Variants in DERA observed in about 807,000 individuals in gnomAD.
DERA encodes 2-deoxy-D-ribose 5-phosphate aldolase.
Under a neutral mutation model 41.1 loss-of-function variants are expected in DERA, and 15 were observed. The observed-to-expected ratio is 0.37, with a 90% CI of 0.24 to 0.56. The LOEUF (loss-of-function observed/expected upper bound fraction) is 0.56, where lower values mean the gene tolerates loss of function less well. DERA is among the 20% of genes least tolerant of loss of function. The pLI, the probability that DERA is intolerant of heterozygous loss-of-function variation, is 0.81. For missense variants in DERA, 396 were observed against 403.4 expected, an observed-to-expected ratio of 0.98 and a Z score of 0.16; for synonymous variants, 139 against 137.4, an observed-to-expected ratio of 1.01 and a Z score of -0.08.
chr12:15,958,083 A>G (rs1314925183), intron 2 of DERA, 105 bp from the exon 3 acceptor site: 1 of 867,876 alleles, frequency 1.2e-6, no homozygotes, highest in African/African-American at 1.7e-5. Context: ...ATAAGATATT[A>G]ACACCCATAC....
chr12:15,946,106 G>C (rs1439454622), intron 1 of DERA, among the ~76,000 whole-genome samples: 8 of 152,136 alleles, frequency 5.3e-5, no homozygotes, highest in Non-Finnish European at 1.2e-4. Flanking sequence ...TAAGCTTTTT[G>C]ATGTGCTGCT....
Position 15,975,347 on chromosome 12 carries a change from C to T in DERA, c.509-6961C>T, listed in dbSNP as rs566495400. ...AGTTTTTGGGTGGGGGCCACAAGAT[C>T]GGATGAGCCAGTTTATCGATCTGGG... On this transcript the variant is annotated intron_variant, in intron 5 of 8. Coordinates refer to ENST00000428559, the MANE Select transcript of DERA (RefSeq NM_015954.4). Among the ~76,000 whole-genome samples, 185 of 152,170 alleles carry T rather than the reference C, an allele frequency of 1.2e-3. 1 individual carries two copies. The highest frequency in any genetic ancestry group is 4.1e-3 in the African/African-American group (172 of 41,524).
intron 1 of DERA, among the ~76,000 whole-genome samples, chr12:15,934,413 C>T (rs951060496): frequency 2.0e-5 from 3 of 151,960 alleles, no homozygotes; most frequent in Non-Finnish European, 2.9e-5. Flanking sequence ...GGCGAAACCC[C>T]GTCTCTATTA....
At chr12:15,986,527 T>C (rs2136164875) in intron 6 of DERA, among the ~76,000 whole-genome samples, 1 of 152,324 alleles carries the variant, frequency 6.6e-6, no homozygotes, top group African/African-American at 2.4e-5. Flanking sequence ...TGTGCATCCT[T>C]AATTTTTCAC....
chr12:15,952,141 C>T (rs917370982), intron 1 of DERA, among the ~76,000 whole-genome samples: 23 of 152,260 alleles, frequency 1.5e-4, no homozygotes, highest in South Asian at 4.1e-4. Flanking sequence ...CCTCGTGATC[C>T]GCCTGCCTCG....
Position 15,992,629 on chromosome 12 carries a change from A to G in DERA, c.637+10193A>G, listed in dbSNP as rs1948809788. Among the ~76,000 whole-genome samples the G allele has an allele frequency of 6.6e-6, 1 of 152,194 alleles. No individual in the cohort carries two copies. The highest frequency in any genetic ancestry group is 1.5e-5 in the Non-Finnish European group (1 of 68,014). ...TAATCAGAGAAGAAAAAAGAGAGCT[A>G]TACTTTTTTCCTTGAACAATCCAAG... On this transcript the variant is annotated intron_variant, in intron 6 of 8. Transcript: ENST00000428559. The surrounding 1 kb of genome is among the most constrained non-coding windows in gnomAD (Gnocchi z 4.3).
At chr12:15,946,355 T>G (rs1375266963) in intron 1 of DERA, among the ~76,000 whole-genome samples, 2 of 152,340 alleles carry the variant, frequency 1.3e-5, no homozygotes, top group East Asian at 3.9e-4. Flanking sequence ...ATCTGTCTGG[T>G]CCTGGACTTT....
chr12:15,952,190 C>T (rs1349376243), intron 1 of DERA, among the ~76,000 whole-genome samples: 9 of 152,198 alleles, frequency 5.9e-5, no homozygotes, highest in Non-Finnish European at 1.3e-4. Context: ...TGAGCCACTG[C>T]ACCTGGCCTG....
At chr12:15,968,496 CT>C (rs1565599656) in intron 5 of DERA, among the ~76,000 whole-genome samples, 1 of 152,190 alleles carries the variant, frequency 6.6e-6, no homozygotes, top group African/African-American at 2.4e-5. Flanking sequence ...CCAGTCATTG[CT>C]GGTGTCACAG....
At chr12:15,980,285 C>G (rs1289705754) in intron 5 of DERA, among the ~76,000 whole-genome samples, 1 of 152,162 alleles carries the variant, frequency 6.6e-6, no homozygotes, top group Non-Finnish European at 1.5e-5. Flanking sequence ...GCCTAAGGTC[C>G]CACAGGAAAT....
At chr12:15,997,235 C>T (rs1225918003) in intron 6 of DERA, among the ~76,000 whole-genome samples, 4 of 152,028 alleles carry the variant, frequency 2.6e-5, no homozygotes, top group Non-Finnish European at 5.9e-5. Context: ...CACAATGTAC[C>T]ATAATATTAT....
chr12:15,962,000 TC>T (rs1948591643), intron 4 of DERA, among the ~76,000 whole-genome samples: 1 of 152,164 alleles, frequency 6.6e-6, no homozygotes, highest in Admixed American at 6.5e-5. Flanking sequence ...AGCCTTGACC[TC>T]CCAAAATGTT....
chr12:16,027,677 T>C (rs1320980951), intron 6 of DERA, among the ~76,000 whole-genome samples: 3 of 152,220 alleles, frequency 2.0e-5, no homozygotes, highest in African/African-American at 7.2e-5. Flanking sequence ...ACTTTTATTT[T>C]GGATTTCTGG....
chr12:16,029,913 C>CTTTTTTTTTTT lies in DERA; in HGVS notation c.638-2612_638-2602dup, dbSNP rs71438364. ...TCAGACCTCCAAATGTAGCCTTGGT[C>CTTTTTTTTTTT]TTTTTTTTTTTTTTTTTTTTTTTTT... is the stretch of plus-strand genomic sequence containing the variant. On this transcript the variant is annotated intron_variant, in intron 6 of 8. Transcript: ENST00000428559. Among the ~76,000 whole-genome samples the CTTTTTTTTTTT allele has an allele frequency of 7.2e-4, 43 of 59,718 alleles. 11 individuals carry two copies. Among genetic ancestry groups the CTTTTTTTTTTT allele is most frequent in the Non-Finnish European group, 1.1e-3 (36 of 34,036 alleles). 39.2% of individuals were successfully genotyped at this position (59,718 alleles called of 152,430 possible).
intron 6 of DERA, among the ~76,000 whole-genome samples, chr12:16,018,532 A>G (rs1345266810): frequency 2.0e-5 from 3 of 152,126 alleles, no homozygotes. Flanking sequence ...GATTTTGAAG[A>G]CTGTCTTGAG....
chr12:15,972,661 A>T lies in DERA; in HGVS notation c.509-9647A>T. On this transcript the variant is annotated intron_variant, in intron 5 of 8. Coordinates refer to ENST00000428559, the MANE Select transcript of DERA (RefSeq NM_015954.4). The surrounding 1 kb of genome is among the most constrained non-coding windows in gnomAD (Gnocchi z 4.4). ...CCTCCAGCGTGCACCCAGAGAGGGA[A>T]CGATGTATGTGATGTGAAGCCAAGG... 1 of 173,522 alleles carries T rather than the reference A, an allele frequency of 5.8e-6. No individual in the cohort carries two copies. The highest frequency in any genetic ancestry group is 1.3e-5 in the Non-Finnish European group (1 of 79,814). 10.7% of individuals were successfully genotyped at this position (173,522 alleles called of 1,614,324 possible).
Position 15,990,252 on chromosome 12 carries a change from T to A in DERA, c.637+7816T>A, listed in dbSNP as rs1948792868. Among the ~76,000 whole-genome samples the A allele has an allele frequency of 6.6e-6, 1 of 152,202 alleles. No individual in the cohort carries two copies. Among genetic ancestry groups the A allele is most frequent in the Non-Finnish European group, 1.5e-5 (1 of 68,032 alleles). Reference sequence around the variant, plus strand: ...TGAGCTGGATTTCTTTCTGTACTGATTCCAAAGCTTACTATATTAGCAGAA... The same window carrying A: ...TGAGCTGGATTTCTTTCTGTACTGAATCCAAAGCTTACTATATTAGCAGAA... On this transcript the variant is annotated intron_variant, in intron 6 of 8. Transcript: ENST00000428559. This position sits in a 1 kb window ranked among gnomAD's most constrained non-coding sequence, Gnocchi z 4.3.
intron 5 of DERA, chr12:15,971,891 C>T: frequency 3.1e-6 from 1 of 323,946 alleles, no homozygotes; most frequent in Non-Finnish European, 6.0e-6. Context: ...GGAGCACAGT[C>T]AATCTTCAGT....
In DERA at chr12:15,965,844, C is replaced by T. The variant is rs772182212; in HGVS notation, c.508+2897C>T. ...TCTTTGCTTCTTCCTTTGCTCCTTC[C>T]TCCTAAATTCCTTCCCTCGACTGTG... On this transcript the variant is annotated intron_variant, in intron 5 of 8. Coordinates refer to ENST00000428559, the MANE Select transcript of DERA (RefSeq NM_015954.4). The surrounding 1 kb of genome is among the most constrained non-coding windows in gnomAD (Gnocchi z 4.1). Among the ~76,000 whole-genome samples, 8 of 152,132 alleles carry T rather than the reference C, an allele frequency of 5.3e-5. No homozygotes were observed. Among genetic ancestry groups the T allele is most frequent in the Non-Finnish European group, 1.2e-4 (8 of 68,014 alleles).
Sources: allele counts gnomAD v4.1 joint callset (sites outside exome capture counted in the v4.1 genomes callset), GRCh38; gene constraint gnomAD v4.1.1; non-coding constraint Gnocchi (gnomAD v3.1); transcripts MANE v1.5; gene names NCBI Gene and HGNC (gene_info 2026-07-23, HGNC 2026-07-21).